The following EHBP1 variants were observed in gnomAD, a reference collection of about 807,000 sequenced individuals.
EHBP1 encodes EH domain binding protein 1, also known as EH domain-binding protein 1.
In EHBP1, 55 loss-of-function variants were observed where a neutral mutation model predicts 144.0. The observed-to-expected ratio is 0.38, with a 90% CI of 0.31 to 0.48. The LOEUF (loss-of-function observed/expected upper bound fraction) is 0.48. Ranked by LOEUF, EHBP1 falls within the 20% of genes least tolerant of loss-of-function variation. The pLI is 0.98. For missense variants in EHBP1, 1,200 were observed against 1,364.2 expected (o/e 0.88, Z 1.90); for synonymous variants, 469 against 472.7 (o/e 0.99, Z 0.10).
chr2:62,954,222 G>C (rs978774250), intron 13 of EHBP1, among the ~76,000 whole-genome samples: 2 of 152,116 alleles, frequency 1.3e-5, no homozygotes, highest in Non-Finnish European at 2.9e-5. Context: ...TAACTGACCT[G>C]CTCAATGTTA....
Position 63,000,386 on chromosome 2 carries a change from T to G in EHBP1, c.3103+3620T>G, listed in dbSNP as rs556125249. Among the ~76,000 whole-genome samples the G allele has an allele frequency of 3.4e-3, 513 of 149,024 alleles. 3 individuals carry two copies. Among genetic ancestry groups the G allele is most frequent in the African/African-American group, 0.012 (467 of 40,240 alleles). The stretch of plus-strand genomic sequence containing the variant: ...ATGCTGTGTATGTGAGTGTGTGTGT[T>G]TTTTTTTTTCTTTTAAACTATATTT... On this transcript the variant is annotated intron_variant, in intron 19 of 22. Transcript: ENST00000431489.
chr2:62,814,536 G>A (rs938671570), intron 5 of EHBP1, among the ~76,000 whole-genome samples: 1 of 152,166 alleles, frequency 6.6e-6, no homozygotes, highest in African/African-American at 2.4e-5. Flanking sequence ...ACTTTATTTT[G>A]TGGTACCCTG....
At chr2:62,713,735 C>T (rs1038973061) in intron 2 of EHBP1, among the ~76,000 whole-genome samples, 2 of 152,150 alleles carry the variant, frequency 1.3e-5, no homozygotes, top group Non-Finnish European at 2.9e-5. Context: ...AACAAAATAG[C>T]GCAGTCTTTT....
intron 19 of EHBP1, among the ~76,000 whole-genome samples, chr2:63,010,240 G>A (rs766903758): frequency 2.6e-5 from 4 of 151,172 alleles, no homozygotes; most frequent in Non-Finnish European, 4.4e-5. Context: ...TTAGTTTACT[G>A]ATAAAAACAC....
At chr2:62,769,795 T>TAAAAA (rs70962794) in intron 4 of EHBP1, among the ~76,000 whole-genome samples, 1 of 73,874 alleles carries the variant, frequency 1.4e-5, no homozygotes, top group African/African-American at 5.8e-5. Context: ...ATGGTACTGG[T>TAAAAA]AAAAAAAAAA....
chr2:63,041,146 G>A (rs183081722), intron 21 of EHBP1, among the ~76,000 whole-genome samples: 32 of 152,086 alleles, frequency 2.1e-4, no homozygotes, highest in African/African-American at 6.7e-4. Flanking sequence ...TAACAGCTTG[G>A]TTTGAGAGCA....
chr2:62,917,795 A>G (rs2054754676), intron 10 of EHBP1, among the ~76,000 whole-genome samples: 1 of 152,202 alleles, frequency 6.6e-6, no homozygotes, highest in South Asian at 2.1e-4. Context: ...GGACCAGCAA[A>G]ATGTATAGGA....
chr2:62,750,822 C>T (rs550021061), intron 3 of EHBP1, among the ~76,000 whole-genome samples: 45 of 152,178 alleles, frequency 3.0e-4, no homozygotes, highest in East Asian at 9.6e-4. Flanking sequence ...GTGATTTTTG[C>T]GCATTGATTT....
intron 2 of EHBP1, among the ~76,000 whole-genome samples, chr2:62,740,265 C>T (rs1170401384): frequency 2.0e-5 from 3 of 152,066 alleles, no homozygotes; most frequent in Non-Finnish European, 4.4e-5. Context: ...TGTTTTGCAT[C>T]TTTTATTATT....
chr2:62,676,810 T>TC (rs1346067032), intron 1 of EHBP1, among the ~76,000 whole-genome samples: 1 of 152,152 alleles, frequency 6.6e-6, no homozygotes, highest in Non-Finnish European at 1.5e-5. Flanking sequence ...GATGAGCAAG[T>TC]CTACAGCAAT....
At chr2:62,767,134 C>T (rs2041253249) in intron 4 of EHBP1, among the ~76,000 whole-genome samples, 1 of 151,926 alleles carries the variant, frequency 6.6e-6, no homozygotes, top group African/African-American at 2.4e-5. Flanking sequence ...TTTGAAATTC[C>T]AGCTGTTTAT....
intron 1 of EHBP1, among the ~76,000 whole-genome samples, chr2:62,678,507 A>G (rs2033393886): frequency 6.6e-6 from 1 of 151,848 alleles, no homozygotes; most frequent in South Asian, 2.1e-4. Flanking sequence ...TCCCCTTTTG[A>G]TTTATAACCT....
chr2:62,902,217 A>C (rs2053470561), intron 10 of EHBP1, among the ~76,000 whole-genome samples: 1 of 152,172 alleles, frequency 6.6e-6, no homozygotes, highest in African/African-American at 2.4e-5. Flanking sequence ...CCTATGCATG[A>C]ATAAATACGA....
intron 5 of EHBP1, among the ~76,000 whole-genome samples, chr2:62,779,096 G>T (rs1054337672): frequency 2.0e-5 from 3 of 152,096 alleles, no homozygotes; most frequent in African/African-American, 4.8e-5. Context: ...TTCCACCATG[G>T]AGTCAGTTTA....
intron 10 of EHBP1, among the ~76,000 whole-genome samples, chr2:62,926,832 A>C (rs574418612): frequency 6.6e-6 from 1 of 152,132 alleles, no homozygotes; most frequent in Non-Finnish European, 1.5e-5. Flanking sequence ...CAGTCCTCCT[A>C]CTACTGAGTA....
intron 2 of EHBP1, among the ~76,000 whole-genome samples, chr2:62,728,791 T>C (rs549410915): frequency 4.7e-4 from 72 of 152,180 alleles, no homozygotes; most frequent in African/African-American, 1.7e-3. Flanking sequence ...ATTTTGTTAC[T>C]TGTACTTTTG....
chr2:62,932,866 A>G (rs1385616599), intron 10 of EHBP1, among the ~76,000 whole-genome samples: 1 of 150,788 alleles, frequency 6.6e-6, no homozygotes, highest in African/African-American at 2.4e-5. Context: ...AGGAAGGAAA[A>G]TTGCTTGAAC....
rs976644505 is a variant in EHBP1 at position 62,963,782 on chromosome 2, A to G, written c.2460+8122A>G. Among the ~76,000 whole-genome samples, 14 of 152,356 alleles carry G rather than the reference A, an allele frequency of 9.2e-5. No homozygotes were observed. The South Asian group carries it at 2.3e-3, about 25-fold the overall frequency. ...AAATCTAAAACCTTTAATAACATAC[A>G]GATTTTATTTAGGAATTTTTATTCT... is the stretch of plus-strand genomic sequence containing the variant. On this transcript the variant is annotated intron_variant, in intron 14 of 22. Transcript: ENST00000431489.
upstream of EHBP1, among the ~76,000 whole-genome samples, chr2:62,703,359 T>C (rs2034334974): frequency 6.6e-6 from 1 of 152,046 alleles, no homozygotes; most frequent in African/African-American, 2.4e-5. Context: ...AAAAAAAGAT[T>C]AATACTCGGT....
Sources: gnomAD v4.1 joint callset for allele counts (sites outside exome capture counted in the v4.1 genomes callset) on GRCh38, gnomAD v4.1.1 for gene constraint, MANE v1.5 for transcripts, NCBI Gene and HGNC (gene_info 2026-07-23, HGNC 2026-07-21) for gene names.